The following MYSM1 variants were observed in gnomAD, a reference collection of about 807,000 sequenced individuals.
MYSM1 encodes the protein Myb like, SWIRM and MPN domains 1, also known as deubiquitinase MYSM1.
A neutral mutation model predicts 116.0 loss-of-function variants in MYSM1; 51 were observed. The observed-to-expected ratio is 0.44, with a 90% CI of 0.35 to 0.56. The LOEUF is 0.56. MYSM1 is among the 20% of genes least tolerant of loss of function. The probability of loss-of-function intolerance (pLI) is 0.00; values close to 1 mark genes in which losing one functional copy is unlikely to be tolerated. For missense variants in MYSM1, 900 were observed against 974.9 expected (o/e 0.92, Z 1.02); for synonymous variants, 313 against 315.2 (o/e 0.99, Z 0.07).
chr1:58,698,236 G>A (rs1262386875), intron 1 of MYSM1, among the ~76,000 whole-genome samples: 2 of 149,408 alleles, frequency 1.3e-5, no homozygotes, highest in Admixed American at 1.3e-4. Context: ...AAGTACCTGG[G>A]ACTACAGGCG....
chr1:58,674,543 A>G (rs1301076611), intron 10 of MYSM1, among the ~76,000 whole-genome samples: 1 of 152,186 alleles, frequency 6.6e-6, no homozygotes, highest in Non-Finnish European at 1.5e-5. Context: ...CTATTTTAGC[A>G]CCTATACTTT....
At chr1:58,664,384 T>C (rs1644437792) in intron 17 of MYSM1, among the ~76,000 whole-genome samples, 1 of 152,230 alleles carries the variant, frequency 6.6e-6, no homozygotes, top group Non-Finnish European at 1.5e-5. Context: ...ACCCATAGTG[T>C]TGACCACCTC....
intron 6 of MYSM1, among the ~76,000 whole-genome samples, chr1:58,688,445 TTTTA>T (rs1439222792): frequency 6.6e-6 from 1 of 151,906 alleles, no homozygotes; most frequent in Non-Finnish European, 1.5e-5. Flanking sequence ...AAGTATTTTT[TTTTA>T]AAGTTTCTTC....
chr1:58,683,121 G>A (rs1029641567), intron 7 of MYSM1, among the ~76,000 whole-genome samples: 4 of 151,880 alleles, frequency 2.6e-5, no homozygotes, highest in African/African-American at 9.7e-5. Flanking sequence ...CTAATTCATG[G>A]GTCTGGTGAT....
rs757453885 is a variant in MYSM1 at position 58,660,166 on chromosome 1, A to G, written c.2329-11T>C. 6.6e-7 allele frequency: 1 copy of G among 1,509,256 alleles called. No individual in the cohort carries two copies. The highest frequency in any genetic ancestry group is 8.9e-7 in the Non-Finnish European group (1 of 1,127,660). The allele number at this position is 1,509,256 out of a possible 1,614,324, so 93.5% of individuals were successfully genotyped here. A position where few individuals can be genotyped will look rare whatever the true frequency, so the allele number is the denominator to read the frequency against. ...CATACACTCCAAAAGCTAGTTGAAA[A>G]GAAAAGTTTTATATTTAAATACAGA... On this transcript the variant is annotated splice_polypyrimidine_tract_variant and intron_variant, in intron 19 of 19. Coordinates refer to ENST00000472487, the MANE Select transcript of MYSM1 (RefSeq NM_001085487.3).
In MYSM1 at chr1:58,675,944, G is replaced by A. The variant is rs139035542; in HGVS notation, c.1391-364C>T. Among the ~76,000 whole-genome samples, 559 of 152,192 alleles carry A rather than the reference G, an allele frequency of 3.7e-3. 4 individuals are homozygous for A. Among genetic ancestry groups the A allele is most frequent in the African/African-American group, 0.013 (539 of 41,520 alleles). On this transcript the variant is annotated intron_variant, in intron 9 of 19. Transcript: ENST00000472487. The stretch of plus-strand genomic sequence containing the variant: ...ACACTGAAATGAAGGACAGATTCCC[G>A]GGCAAACTAAATTCTATCTAGCTCA...
chr1:58,690,798 T>C (rs1365108782), intron 3 of MYSM1, among the ~76,000 whole-genome samples: 1 of 152,012 alleles, frequency 6.6e-6, no homozygotes, highest in African/African-American at 2.4e-5. Context: ...CTGGTTTAAA[T>C]ATTTTCTTCC....
At chr1:58,690,720 T>A (rs1303398039) in intron 3 of MYSM1, among the ~76,000 whole-genome samples, 3 of 151,528 alleles carry the variant, frequency 2.0e-5, no homozygotes, top group Non-Finnish European at 4.4e-5. Context: ...ATCATTAGTG[T>A]ATTTTATGTG....
In MYSM1 at chr1:58,692,847, T is replaced by C. The variant is rs756896736; in HGVS notation, c.218+14A>G. The C allele has an allele frequency of 6.3e-6, 10 of 1,589,110 alleles. No individual in the cohort carries two copies. Among genetic ancestry groups the C allele is most frequent in the Non-Finnish European group, 8.6e-6 (10 of 1,169,266 alleles). On this transcript the variant is annotated intron_variant, in intron 3 of 19. Transcript: ENST00000472487. ...CCTGAAACCTGTACTTTCCTCATAA[T>C]CATTAAAGGATACTCTTCTTCCAAC...
chr1:58,663,434 AT>A (rs1381076702), intron 17 of MYSM1, among the ~76,000 whole-genome samples: 1 of 152,210 alleles, frequency 6.6e-6, no homozygotes, highest in Non-Finnish European at 1.5e-5. Context: ...CATTAGAGAT[AT>A]TGTAAAGATA....
At chr1:58,663,321 A>AT (rs1397780065) in intron 17 of MYSM1, among the ~76,000 whole-genome samples, 1 of 34,906 alleles carries the variant, frequency 2.9e-5, no homozygotes, top group Non-Finnish European at 6.4e-5. Flanking sequence ...TTTAAAGTCA[A>AT]TAAGTTTCTT....
rs1644498934 is a variant in MYSM1, at chr1:58,667,918, C to A, written c.1771G>T (p.Ala591Ser). Reference sequence around the variant, plus strand: ...ATCACTTCTGCCATAGAAACATGAGCATGCTAAAAGAAATACAAGACAGAC... The same window carrying A: ...ATCACTTCTGCCATAGAAACATGAGAATGCTAAAAGAAATACAAGACAGAC... ...SEALLIMDLH[A>S]HVSMAEVIGL... is the part of the protein sequence containing the mutation. The change falls in exon 15 of 20, where the codon GCT (alanine) becomes TCT (serine). Residue 591 changes from alanine (A) to serine (S), a missense_variant. Ala to Ser is a moderately conservative substitution (Grantham distance 99). Transcript: ENST00000472487. 1.2e-6 allele frequency: 2 copies of A among 1,610,700 alleles called. No individual in the cohort carries two copies. The highest frequency in any genetic ancestry group is 1.7e-6 in the Non-Finnish European group (2 of 1,177,056).
At chr1:58,698,084 C>CTATATA (rs374389099) in intron 1 of MYSM1, among the ~76,000 whole-genome samples, 4 of 31,404 alleles carry the variant, frequency 1.3e-4, no homozygotes, top group African/African-American at 3.8e-4. Context: ...ATTTATCAGA[C>CTATATA]TATATATATA....
intron 5 of MYSM1, among the ~76,000 whole-genome samples, chr1:58,689,956 C>A (rs1644879561): frequency 6.6e-6 from 1 of 152,142 alleles, no homozygotes; most frequent in African/African-American, 2.4e-5. Flanking sequence ...ATAACAGCTT[C>A]TCAAAATTTC....
Position 58,668,990 on chromosome 1 carries a change from T to C in MYSM1, c.1710A>G (p.Glu570=). ...ATTAATGCATAAATAGTACCTGCTT[T>C]TCTTCACTAAAAAAATTACAAGGTA... ...QLIPCNFFSE[E]KQEPFQVKVA... is the part of the protein sequence containing the mutation. The change falls in exon 13 of 20, where the codon GAA becomes GAG. Residue 570 remains glutamate, a synonymous_variant. Transcript: ENST00000472487. The C allele has an allele frequency of 6.2e-7, 1 of 1,600,514 alleles. No homozygotes were observed. Among genetic ancestry groups the C allele is most frequent in the Non-Finnish European group, 8.5e-7 (1 of 1,175,000 alleles).
At chr1:58,661,894 A>C (rs1644397618) in intron 17 of MYSM1, among the ~76,000 whole-genome samples, 1 of 152,048 alleles carries the variant, frequency 6.6e-6, no homozygotes, top group African/African-American at 2.4e-5. Flanking sequence ...AAACTAAGAC[A>C]TATTGCCATC....
At chr1:58,692,038 C>T (rs942713655) in intron 3 of MYSM1, among the ~76,000 whole-genome samples, 2 of 151,744 alleles carry the variant, frequency 1.3e-5, no homozygotes, top group Non-Finnish European at 2.9e-5. Flanking sequence ...ATGAGGATAT[C>T]GGAAAATTTT....
intron 8 of MYSM1, among the ~76,000 whole-genome samples, chr1:58,678,720 G>A (rs1030129117): frequency 2.6e-4 from 39 of 152,300 alleles, no homozygotes; most frequent in African/African-American, 7.5e-4. Flanking sequence ...GAATGAAAGG[G>A]AGGAGATATG....
chr1:58,685,536 G>A (rs372350649), intron 6 of MYSM1, among the ~76,000 whole-genome samples: 1 of 152,092 alleles, frequency 6.6e-6, no homozygotes, highest in Non-Finnish European at 1.5e-5. Flanking sequence ...AATTCATATT[G>A]TAAGTTATAA....
Sources: allele counts gnomAD v4.1 joint callset (sites outside exome capture counted in the v4.1 genomes callset), GRCh38; gene constraint gnomAD v4.1.1; transcripts MANE v1.5; gene names NCBI Gene and HGNC (gene_info 2026-07-23, HGNC 2026-07-21).